The following MAP3K13 variants were observed in gnomAD, a reference collection of about 807,000 sequenced individuals.
MAP3K13 encodes leucine zipper-bearing kinase.
A neutral mutation model predicts 104.0 loss-of-function variants in MAP3K13; 52 were observed. That is an observed-to-expected ratio of 0.50 (90% CI 0.40 to 0.63). MAP3K13 has a LOEUF of 0.63. Among genes scored for constraint, MAP3K13 ranks in the 20% least tolerant of loss-of-function variants. The pLI, the probability that MAP3K13 is intolerant of heterozygous loss-of-function variation, is 0.00. For missense variants in MAP3K13, 914 were observed against 1,218.5 expected (o/e 0.75, Z 3.72); for synonymous variants, 394 against 442.2 (o/e 0.89, Z 1.37).
intron 1 of MAP3K13, among the ~76,000 whole-genome samples, chr3:185,410,505 C>A (rs1439228223): frequency 1.3e-5 from 2 of 152,006 alleles, no homozygotes; most frequent in African/African-American, 4.8e-5. Context: ...TTTTAATGTT[C>A]CCAACACAAA....
intron 2 of MAP3K13, chr3:185,291,798 C>T: frequency 7.4e-7 from 1 of 1,358,548 alleles, no homozygotes. Flanking sequence ...TTAATACATT[C>T]CATTTTATAT....
chr3:185,455,330 G>GATATATATGAGATATATATGAT lies in MAP3K13; in HGVS notation c.1278+3964_1278+3985dup, dbSNP rs1175478971. On this transcript the variant is annotated intron_variant, in intron 7 of 13. Transcript: ENST00000265026. The stretch of plus-strand genomic sequence containing the variant: ...TATGAGATATATATGAGATATATAT[G>GATATATATGAGATATATATGAT]ATATATATGAGATATATATGATATA... Among the ~76,000 whole-genome samples the GATATATATGAGATATATATGAT allele has an allele frequency of 1.3e-4, 3 of 23,290 alleles. 1 individual carries two copies. Among genetic ancestry groups the GATATATATGAGATATATATGAT allele is most frequent in the Admixed American group, 1.1e-3 (2 of 1,768 alleles). The allele number at this position is 23,290 out of a possible 152,430, so 15.3% of individuals were successfully genotyped here. A position where few individuals can be genotyped will look rare whatever the true frequency, so the allele number is the denominator to read the frequency against.
chr3:185,393,768 A>T (rs1401806547), intron 1 of MAP3K13, among the ~76,000 whole-genome samples: 1 of 152,076 alleles, frequency 6.6e-6, no homozygotes, highest in African/African-American at 2.4e-5. Context: ...TAAATATCTT[A>T]AAAACAAGGA....
upstream of MAP3K13, among the ~76,000 whole-genome samples, chr3:185,361,388 G>T (rs1175691888): frequency 1.4e-5 from 2 of 147,986 alleles, no homozygotes; most frequent in Middle Eastern, 3.4e-3. Flanking sequence ...CCATTTGTTC[G>T]TTTTTTGTTT....
At chr3:185,290,589 G>C (rs542065882) in intron 2 of MAP3K13, among the ~76,000 whole-genome samples, 11 of 152,290 alleles carry the variant, frequency 7.2e-5, no homozygotes, top group Non-Finnish European at 1.5e-4. Flanking sequence ...GTTGCTTTCT[G>C]TTCTGGAGCC....
chr3:185,374,827 A>C (rs1377024759), intron 1 of MAP3K13, among the ~76,000 whole-genome samples: 1 of 152,192 alleles, frequency 6.6e-6, no homozygotes, highest in Non-Finnish European at 1.5e-5. Context: ...CAAAGCCAGC[A>C]AAAAGGATTA....
At chr3:185,369,833 T>C (rs1724068875) in intron 1 of MAP3K13, among the ~76,000 whole-genome samples, 1 of 152,206 alleles carries the variant, frequency 6.6e-6, no homozygotes, top group African/African-American at 2.4e-5. Flanking sequence ...ATCTAGAAGA[T>C]TCTTACACTA....
At chr3:185,329,608 T>TC (rs1381036857) in intron 2 of MAP3K13, among the ~76,000 whole-genome samples, 6 of 152,244 alleles carry the variant, frequency 3.9e-5, no homozygotes, top group African/African-American at 1.4e-4. Flanking sequence ...TATGGATTTT[T>TC]CAGACTAAAT....
chr3:185,487,330 AT>A lies in MAP3K13; in HGVS notation c.*4890del, dbSNP rs1173113366. 821 of 141,648 alleles carry A rather than the reference AT, an allele frequency of 5.8e-3. 3 individuals carry two copies. Among genetic ancestry groups the A allele is most frequent in the African/African-American group, 0.012 (482 of 38,604 alleles). The allele number at this position is 141,648 out of a possible 1,614,324, so 8.8% of individuals were successfully genotyped here. On this transcript the variant is annotated 3_prime_UTR_variant, in exon 14 of 14. Transcript: ENST00000265026. ...CAGGTGTGTGCCACCATGCACAACA[AT>A]TTTTTTTTTTTTTTTGTAGAGATGG...
At chr3:185,442,005 C>T (rs991896006) in intron 3 of MAP3K13, among the ~76,000 whole-genome samples, 4 of 147,036 alleles carry the variant, frequency 2.7e-5, no homozygotes, top group African/African-American at 5.0e-5. Flanking sequence ...TGTGCCACTG[C>T]ACTCGAACCT....
chr3:185,323,059 A>G (rs771760106), intron 2 of MAP3K13, among the ~76,000 whole-genome samples: 1 of 152,078 alleles, frequency 6.6e-6, no homozygotes, highest in South Asian at 2.1e-4. Flanking sequence ...AAGTCTATCT[A>G]TTGTTTTAAT....
intron 7 of MAP3K13, among the ~76,000 whole-genome samples, chr3:185,461,883 TA>T (rs1340673838): frequency 3.3e-5 from 2 of 61,306 alleles, no homozygotes; most frequent in East Asian, 3.9e-4. Context: ...GGATTGCTAT[TA>T]TTTTTTTTAA....
intron 1 of MAP3K13, among the ~76,000 whole-genome samples, chr3:185,374,349 C>G (rs1724315084): frequency 6.6e-6 from 1 of 152,108 alleles, no homozygotes; most frequent in Non-Finnish European, 1.5e-5. Flanking sequence ...TTTCTCAGTG[C>G]TGCTTCGAGC....
intron 2 of MAP3K13, among the ~76,000 whole-genome samples, chr3:185,349,450 T>C (rs993898362): frequency 3.0e-5 from 4 of 134,790 alleles, no homozygotes; most frequent in Admixed American, 7.0e-5. Flanking sequence ...CATGACTTCA[T>C]TCTTTTTATG....
At chr3:185,433,944 A>T (rs11709348) in intron 2 of MAP3K13, among the ~76,000 whole-genome samples, 115,518 of 151,952 alleles carry the variant, frequency 0.76, 45,389 homozygotes, top group Non-Finnish European at 0.87. Context: ...AAGGATTTTT[A>T]AACAAATTAT....
rs1370471122 is a variant in MAP3K13, at chr3:185,480,244, T to A, written c.2514T>A (p.Cys838Ter). 1.2e-6 allele frequency: 2 copies of A among 1,613,932 alleles called. No homozygotes were observed. Among genetic ancestry groups the A allele is most frequent in the Admixed American group, 3.3e-5 (2 of 60,008 alleles). ...TTCTTGGTTCTAGGCCCCATCGCTG[T>A]ATCAGCAGCTGCCAGTCATATTCAA... ...EFPRRQRPHR[C>*]ISSCQSYSTF... The change falls in exon 13 of 14, where the codon TGT becomes TGA. Residue 838 changes from cysteine to a stop codon, truncating the protein, a stop_gained. Transcript: ENST00000265026. LOFTEE classifies it high-confidence loss of function.
rs13314991 is a variant in MAP3K13, at chr3:185,343,158, G to A, written c.-86+57515G>A. ...TTTATATAGCATATTCACATATTAC[G>A]TGCACGTAATCATGTTCATCCCAGC... is the stretch of plus-strand genomic sequence containing the variant. On this transcript the variant is annotated intron_variant, in intron 2 of 14. Coordinates refer to the MAP3K13 transcript ENST00000424227. Among the ~76,000 whole-genome samples, 885 of 152,128 alleles carry A rather than the reference G, an allele frequency of 5.8e-3. 8 individuals carry two copies. Among genetic ancestry groups the A allele is most frequent in the African/African-American group, 0.018 (754 of 41,500 alleles).
intron 2 of MAP3K13, among the ~76,000 whole-genome samples, chr3:185,295,826 A>C (rs539977206): frequency 1.3e-5 from 2 of 152,280 alleles, no homozygotes; most frequent in South Asian, 2.1e-4. Flanking sequence ...GTGTTTAGGA[A>C]ATTTCCTGGC....
intron 2 of MAP3K13, among the ~76,000 whole-genome samples, chr3:185,339,802 A>G (rs1177318925): frequency 6.6e-6 from 1 of 152,248 alleles, no homozygotes; most frequent in Non-Finnish European, 1.5e-5. Context: ...TCTGCTTTAC[A>G]GCAACTATTC....
Sources: gnomAD v4.1 joint callset for allele counts (sites outside exome capture counted in the v4.1 genomes callset) on GRCh38, gnomAD v4.1.1 for gene constraint, MANE v1.5 for transcripts, NCBI Gene and HGNC (gene_info 2026-07-23, HGNC 2026-07-21) for gene names.